CCDC57: variants seen among roughly 807,000 people sequenced by gnomAD.
The protein encoded by CCDC57 is coiled-coil domain containing 57.
A neutral mutation model predicts 118.9 loss-of-function variants in CCDC57; 118 were observed. The ratio of observed to expected loss-of-function variants is 0.99; its 90% CI spans 0.86 to 1.16. The LOEUF is 1.16. CCDC57 is among the 50% of genes most tolerant of loss of function. The pLI, the probability that CCDC57 is intolerant of heterozygous loss-of-function variation, is 0.00. For missense variants in CCDC57, 1,300 were observed against 1,320.7 expected (o/e 0.98, Z 0.24); for synonymous variants, 527 against 532.9 (o/e 0.99, Z 0.15).
Position 82,188,428 on chromosome 17 carries a change from C to T in CCDC57, c.852-9G>A, listed in dbSNP as rs1241144624. The T allele has an allele frequency of 3.1e-6, 5 of 1,607,806 alleles. No homozygotes were observed. Among genetic ancestry groups the T allele is most frequent in the African/African-American group, 1.3e-5 (1 of 75,030 alleles). The stretch of plus-strand genomic sequence containing the variant: ...GGTCGAGCTCCTCATGCCTGAAACA[C>T]AGTGAGTGTCCCATGGCGCTCACCC... On this transcript the variant is annotated splice_polypyrimidine_tract_variant and intron_variant, in intron 7 of 19. Coordinates refer to ENST00000665763, the Ensembl canonical transcript of CCDC57.
intron 8 of CCDC57, among the ~76,000 whole-genome samples, chr17:82,186,458 G>A (rs12452984): frequency 0.18 from 26,618 of 152,038 alleles, 3,161 homozygotes; most frequent in East Asian, 0.43. Context: ...CACAGAGGTC[G>A]CCCCGCACAC....
chr17:82,120,717 A>G (rs781574844), intron 19 of CCDC57, among the ~76,000 whole-genome samples: 12 of 152,154 alleles, frequency 7.9e-5, no homozygotes, highest in Non-Finnish European at 1.0e-4. Flanking sequence ...CACAGGGTGA[A>G]TCAAAAGCCC....
At chr17:82,104,056 G>A (rs945533285) in intron 19 of CCDC57, among the ~76,000 whole-genome samples, 6 of 152,234 alleles carry the variant, frequency 3.9e-5, no homozygotes, top group Non-Finnish European at 8.8e-5. Flanking sequence ...AGCTGGATGT[G>A]TCAAGGCGGC....
At chr17:82,114,207 C>T (rs2035552625) in intron 19 of CCDC57, among the ~76,000 whole-genome samples, 1 of 152,206 alleles carries the variant, frequency 6.6e-6, no homozygotes, top group South Asian at 2.1e-4. Context: ...ACAGCCGGCT[C>T]CTCACCCATC....
At chr17:82,174,337 T>A (rs2045184694) in intron 11 of CCDC57, among the ~76,000 whole-genome samples, 1 of 152,238 alleles carries the variant, frequency 6.6e-6, no homozygotes. Flanking sequence ...CAACTGGCAG[T>A]TTAGAAACGG....
At chr17:82,127,762 C>T in exon 19 of CCDC57, 1 of 1,612,998 alleles carries the variant, frequency 6.2e-7, no homozygotes, top group South Asian at 1.1e-5. Flanking sequence ...TCCACATGTC[C>T]TGGAGGGTGC....
intron 15 of CCDC57, 22 bp downstream of exon 14, chr17:82,157,726 G>A: frequency 1.3e-6 from 2 of 1,556,042 alleles, no homozygotes; most frequent in Non-Finnish European, 8.7e-7. Context: ...GCGGGTGGCA[G>A]GAGGAGCTAG....
chr17:82,155,975 T>C (rs1281110966), intron 15 of CCDC57: 1 of 152,188 alleles, frequency 6.6e-6, no homozygotes, highest in Non-Finnish European at 1.5e-5. Context: ...GCTTCATCTC[T>C]CAATTTAAAA....
chr17:82,184,029 G>T (rs59638220), intron 8 of CCDC57, 97 bp from the exon 8 acceptor site: 6 of 235,812 alleles, frequency 2.5e-5, no homozygotes, highest in Non-Finnish European at 3.0e-5. Flanking sequence ...GCGCGCGCGC[G>T]CGCACACACA....
chr17:82,199,728 C>A (rs2048771886), intron 3 of CCDC57, among the ~76,000 whole-genome samples: 1 of 152,176 alleles, frequency 6.6e-6, no homozygotes, highest in African/African-American at 2.4e-5. Flanking sequence ...AGACGAGGTG[C>A]AGGCTGAGCA....
chr17:82,145,856 G>A (rs1417326618), intron 16 of CCDC57: 3 of 461,202 alleles, frequency 6.5e-6, no homozygotes, highest in Non-Finnish European at 1.3e-5. Flanking sequence ...GTCACCTGCT[G>A]GAGTTGGCTC....
intron 16 of CCDC57, among the ~76,000 whole-genome samples, chr17:82,149,087 A>G (rs1333774945): frequency 5.5e-5 from 2 of 36,172 alleles, no homozygotes; most frequent in Non-Finnish European, 9.9e-5. Flanking sequence ...GTGGGTGGGT[A>G]GATGGATGGA....
Position 82,195,379 on chromosome 17 carries a change from T to C in CCDC57, c.517-15A>G. The stretch of plus-strand genomic sequence containing the variant: ...AGCAGCAGTTCCTGGAACAAACAGG[T>C]TTCATGATGAAAGAACAGTGGGAAC... On this transcript the variant is annotated splice_polypyrimidine_tract_variant and intron_variant, in intron 4 of 19. Transcript: ENST00000665763. 1 of 1,571,844 alleles carries C rather than the reference T, an allele frequency of 6.4e-7. No homozygotes were observed. Among genetic ancestry groups the C allele is most frequent in the Non-Finnish European group, 8.6e-7 (1 of 1,157,618 alleles).
chr17:82,129,943 C>T (rs9911129), intron 17 of CCDC57, among the ~76,000 whole-genome samples: 70,741 of 151,408 alleles, frequency 0.47, 17,282 homozygotes, highest in East Asian at 0.88. Context: ...ACACCTGTAA[C>T]CCTAGCACTT....
intron 16 of CCDC57, chr17:82,145,977 C>G (rs2040683979): frequency 3.3e-6 from 1 of 306,758 alleles, no homozygotes; most frequent in Admixed American, 5.0e-5. Context: ...GAGACAGGCT[C>G]TATGCCTGAA....
In CCDC57 at chr17:82,120,812, G is replaced by A. The variant is rs565835585; in HGVS notation, c.2899+6880C>T. On this transcript the variant is annotated intron_variant, in intron 19 of 19. Coordinates refer to ENST00000665763, the Ensembl canonical transcript of CCDC57. Reference sequence around the variant, plus strand: ...ACTCTGTCGCCCAGGCTGGAGTGCAGTGGTGCAACCTCGGCTCACTGCAAG... The same window carrying A: ...ACTCTGTCGCCCAGGCTGGAGTGCAATGGTGCAACCTCGGCTCACTGCAAG... 1.4e-3 allele frequency among the ~76,000 whole-genome samples: 218 copies of A among 152,064 alleles called. 1 individual carries two copies. Among genetic ancestry groups the A allele is most frequent in the African/African-American group, 5.1e-3 (213 of 41,478 alleles).
intron 16 of CCDC57, among the ~76,000 whole-genome samples, chr17:82,139,669 T>TG (rs1011182233): frequency 4.7e-5 from 7 of 148,952 alleles, no homozygotes; most frequent in African/African-American, 1.5e-4. Flanking sequence ...TCCACGATTT[T>TG]TGTGTTACTC....
At position 82,212,718 on chromosome 17, in the gene CCDC57, G is replaced by GGAA. The variant is rs2050254786; in HGVS notation, c.-211+64_-211+66dup. The GGAA allele has an allele frequency of 1.3e-5, 2 of 151,288 alleles. No individual in the cohort carries two copies. Among genetic ancestry groups the GGAA allele is most frequent in the Admixed American group, 6.6e-5 (1 of 15,228 alleles). 9.4% of individuals were successfully genotyped at this position (151,288 alleles called of 1,614,324 possible). A position where few individuals can be genotyped will look rare whatever the true frequency, so the allele number is the denominator to read the frequency against. On this transcript the variant is annotated intron_variant, in intron 1 of 19. Transcript: ENST00000665763. This position sits in a 1 kb window ranked among gnomAD's most constrained non-coding sequence, Gnocchi z 4.1. The stretch of plus-strand genomic sequence containing the variant: ...ACGGCAGCTGCTGGGGTTTTCTACA[G>GGAA]GAAGAGTGGTCGGAGCGGCGCCCCC...
intron 17 of CCDC57, 61 bp from the exon 17 acceptor site, chr17:82,128,658 G>T: frequency 7.6e-7 from 1 of 1,312,434 alleles, no homozygotes; most frequent in African/African-American, 1.5e-5. Flanking sequence ...GTGCATGTCA[G>T]TGAGTTTTCC....
Sources: allele counts gnomAD v4.1 joint callset (sites outside exome capture counted in the v4.1 genomes callset), GRCh38; gene constraint gnomAD v4.1.1; non-coding constraint Gnocchi (gnomAD v3.1); transcripts MANE v1.5; gene names NCBI Gene and HGNC (gene_info 2026-07-23, HGNC 2026-07-21).